Variants in COLEC10 observed in about 807,000 individuals in gnomAD.
COLEC10 encodes the protein collectin-10.
Under a neutral mutation model 28.4 loss-of-function variants are expected in COLEC10, and 22 were observed. The observed-to-expected ratio is 0.78, with a 90% confidence interval of 0.55 to 1.11. COLEC10 has a LOEUF of 1.11. Ranked by LOEUF, COLEC10 falls within the 50% of genes least tolerant of loss-of-function variation. The pLI is 0.00. For missense variants in COLEC10, 361 were observed against 344.1 expected, an observed-to-expected ratio of 1.05 and a Z score of -0.39; for synonymous variants, 125 against 116.1, an observed-to-expected ratio of 1.08 and a Z score of -0.49.
chr8:119,028,465 A>C (rs773129766), intron 2 of COLEC10, among the ~76,000 whole-genome samples: 4 of 152,258 alleles, frequency 2.6e-5, no homozygotes, highest in Non-Finnish European at 4.4e-5. Context: ...GGTGAAAGGT[A>C]CTTCTTACAT....
chr8:118,974,869 A>G, the COLEC10 span, among the ~76,000 whole-genome samples: 2 of 152,092 alleles, frequency 1.3e-5, no homozygotes, highest in African/African-American at 4.8e-5. Context: ...GGTCTTTCAA[A>G]GTAATCAAAA....
the COLEC10 span, among the ~76,000 whole-genome samples, chr8:118,958,285 A>G: frequency 1.3e-4 from 20 of 152,336 alleles, no homozygotes; most frequent in African/African-American, 4.6e-4. Context: ...GTGGAACTTG[A>G]AAACAGTTGA....
At chr8:119,014,741 C>T (rs1171949921) in intron 2 of COLEC10, among the ~76,000 whole-genome samples, 1 of 150,864 alleles carries the variant, frequency 6.6e-6, no homozygotes, top group East Asian at 1.9e-4. Flanking sequence ...ATATTCTGCT[C>T]TGTTTTTGTT....
intron 2 of COLEC10, among the ~76,000 whole-genome samples, chr8:119,032,315 G>A (rs768397077): frequency 1.3e-5 from 2 of 152,114 alleles, no homozygotes; most frequent in African/African-American, 2.4e-5. Context: ...GCTATTCTAC[G>A]GTTTTTGTGC....
chr8:118,986,416 A>G, the COLEC10 span, among the ~76,000 whole-genome samples: 1 of 152,206 alleles, frequency 6.6e-6, no homozygotes, highest in Non-Finnish European at 1.5e-5. Context: ...GTGATTGAAA[A>G]TGCAGAAGAA....
chr8:119,038,999 A>T (rs1465453150), intron 2 of COLEC10, among the ~76,000 whole-genome samples: 1 of 152,094 alleles, frequency 6.6e-6, no homozygotes, highest in Non-Finnish European at 1.5e-5. Flanking sequence ...TTGTCTTACT[A>T]TTAGCATTAA....
At chr8:119,063,658 A>T (rs146748043), upstream of COLEC10, among the ~76,000 whole-genome samples, 6 of 151,984 alleles carry the variant, frequency 3.9e-5, no homozygotes, top group African/African-American at 1.4e-4. Context: ...TTTGTCACGT[A>T]AGGTCATGTT....
intron 2 of COLEC10, among the ~76,000 whole-genome samples, chr8:119,015,187 C>T (rs1813969434): frequency 1.3e-5 from 2 of 150,796 alleles, no homozygotes; most frequent in South Asian, 2.1e-4. Flanking sequence ...TCTTAGTAGG[C>T]CTTTAGTAAT....
intron 1 of COLEC10, among the ~76,000 whole-genome samples, chr8:119,003,065 G>T (rs961628747): frequency 6.6e-6 from 1 of 152,102 alleles, no homozygotes; most frequent in Non-Finnish European, 1.5e-5. Context: ...GTTTTGAAAT[G>T]CATGTGTAAC....
At chr8:119,041,111 C>G (rs1019244309) in intron 2 of COLEC10, among the ~76,000 whole-genome samples, 7 of 152,156 alleles carry the variant, frequency 4.6e-5, no homozygotes, top group Admixed American at 4.6e-4. Flanking sequence ...GCACACAAAT[C>G]CTTGTCTAAG....
chr8:119,052,162 C>A (rs2130178490), intron 2 of COLEC10, among the ~76,000 whole-genome samples: 1 of 152,218 alleles, frequency 6.6e-6, no homozygotes, highest in Non-Finnish European at 1.5e-5. Flanking sequence ...CATTCTTAAG[C>A]AAAATTCATT....
intron 2 of COLEC10, among the ~76,000 whole-genome samples, chr8:119,030,265 G>A (rs1158661040): frequency 1.3e-5 from 2 of 152,108 alleles, no homozygotes; most frequent in African/African-American, 2.4e-5. Context: ...ATAATTTTAA[G>A]CCATAGATAA....
chr8:119,032,426 ACAGTCACC>A (rs954101577), intron 2 of COLEC10, among the ~76,000 whole-genome samples: 1 of 152,180 alleles, frequency 6.6e-6, no homozygotes, highest in African/African-American at 2.4e-5. Context: ...CAAAAGGAAA[ACAGTCACC>A]CAATCAGTGT....
At chr8:119,052,172 T>C (rs1814686236) in intron 2 of COLEC10, among the ~76,000 whole-genome samples, 1 of 152,196 alleles carries the variant, frequency 6.6e-6, no homozygotes, top group South Asian at 2.1e-4. Flanking sequence ...CAAAATTCAT[T>C]TGTCATGGTG....
the COLEC10 span, among the ~76,000 whole-genome samples, chr8:118,988,542 G>T: frequency 6.6e-6 from 1 of 152,140 alleles, no homozygotes; most frequent in African/African-American, 2.4e-5. Flanking sequence ...AAAGGAGTAG[G>T]AGACGAGAGA....
the COLEC10 span, among the ~76,000 whole-genome samples, chr8:118,959,950 G>A: frequency 6.6e-6 from 1 of 152,164 alleles, no homozygotes; most frequent in Admixed American, 6.5e-5. Flanking sequence ...ATGTGAGTAT[G>A]GTATGAAGTC....
chr8:119,077,561 G>A (rs1035612147), intron 1 of COLEC10, among the ~76,000 whole-genome samples: 1 of 152,176 alleles, frequency 6.6e-6, no homozygotes, highest in Admixed American at 6.5e-5. Flanking sequence ...TGACTGGGCA[G>A]TGGAGAGGGT....
intron 1 of COLEC10, among the ~76,000 whole-genome samples, chr8:119,073,904 CTTT>C (rs1156602472): frequency 2.0e-5 from 3 of 151,166 alleles, no homozygotes; most frequent in South Asian, 4.2e-4. Context: ...ATATCATAGA[CTTT>C]TATATATGTA....
chr8:118,982,653 C>G, the COLEC10 span: 2 of 184,068 alleles, frequency 1.1e-5, no homozygotes, highest in African/African-American at 4.7e-5. Context: ...AGGAAGATCT[C>G]CTTTTCAGAA....
Sources: gnomAD v4.1 joint callset for allele counts (sites outside exome capture counted in the v4.1 genomes callset) on GRCh38, gnomAD v4.1.1 for gene constraint, MANE v1.5 for transcripts, NCBI Gene and HGNC (gene_info 2026-07-23, HGNC 2026-07-21) for gene names.